TIGAR: variants seen among roughly 807,000 people sequenced by gnomAD.
TIGAR encodes TP53 induced glycolysis regulatory phosphatase.
In TIGAR, 7 loss-of-function variants were observed where a neutral mutation model predicts 17.9. The ratio of observed to expected loss-of-function variants is 0.39; its 90% CI spans 0.22 to 0.73. The LOEUF (loss-of-function observed/expected upper bound fraction) is 0.73. Ranked by LOEUF, TIGAR falls within the 30% of genes least tolerant of loss-of-function variation. The pLI, the probability that TIGAR is intolerant of heterozygous loss-of-function variation, is 0.42. For missense variants in TIGAR, 258 were observed against 327.4 expected (o/e 0.79, Z 1.64); for synonymous variants, 94 against 108.6 (o/e 0.87, Z 0.84).
intron 5 of TIGAR, among the ~76,000 whole-genome samples, chr12:4,351,797 A>G (rs994923017): frequency 6.6e-6 from 1 of 152,104 alleles, no homozygotes; most frequent in Non-Finnish European, 1.5e-5. Context: ...CGAATTGCAT[A>G]TTGGTGATTC....
intron 3 of TIGAR, among the ~76,000 whole-genome samples, chr12:4,348,284 A>C (rs746192372): frequency 2.6e-5 from 4 of 152,224 alleles, no homozygotes; most frequent in Non-Finnish European, 4.4e-5. Flanking sequence ...AATATTGACA[A>C]TTTTACAGAA....
rs1165871229 is a variant in TIGAR, at chr12:4,352,600, A to C, written c.722A>C (p.Asn241Thr). 1 of 1,612,608 alleles carries C rather than the reference A, an allele frequency of 6.2e-7. No individual in the cohort carries two copies. The highest frequency in any genetic ancestry group is 8.5e-7 in the Non-Finnish European group (1 of 1,180,030). ...ACAGGGATGAGTCTCTTTATCATAA[A>C]CTTTGAGGAAGGAAGAGAAGTTAAA... ...PNTGMSLFII[N>T]FEEGREVKPT... Residue 241 changes from asparagine (N) to threonine (T), a missense_variant, in exon 6 of 6, where the codon AAC becomes ACC. Physicochemically the swap from Asn to Thr is moderately conservative, Grantham distance 65. Transcript: ENST00000179259.
intron 1 of TIGAR, chr12:4,324,869 A>C (rs934985751): frequency 8.6e-6 from 4 of 463,158 alleles, no homozygotes; most frequent in South Asian, 7.8e-5. Flanking sequence ...AAAGCTTTAA[A>C]ATTTTTTGGC....
chr12:4,322,208 G>A (rs567100772), intron 1 of TIGAR, among the ~76,000 whole-genome samples: 20 of 152,272 alleles, frequency 1.3e-4, no homozygotes, highest in South Asian at 8.3e-4. Context: ...TGTTGGTCAG[G>A]CAGGTCTGGA....
chr12:4,342,823 A>G (rs933994610), intron 3 of TIGAR, among the ~76,000 whole-genome samples: 1 of 152,238 alleles, frequency 6.6e-6, no homozygotes, highest in Admixed American at 6.5e-5. Context: ...AAGAAACTGC[A>G]TCAACTAATG....
rs1864522307 is a variant in TIGAR, at chr12:4,324,729, GTCCC to G, written c.32+3427_32+3430del. On this transcript the variant is annotated intron_variant, in intron 1 of 5. Transcript: ENST00000179259. ...GCTGCGTCAGCTGCTCGCAGGACAC[GTCCC>G]GTCCCGCAGCTGGTCCAAGTCTGTG... 6 of 1,670 alleles carry G rather than the reference GTCCC, an allele frequency of 3.6e-3. No individual in the cohort carries two copies. The Non-Finnish European group carries it at 0.057, about 16-fold the overall frequency. 0.1% of individuals were successfully genotyped at this position (1,670 alleles called of 1,614,324 possible). A position where few individuals can be genotyped will look rare whatever the true frequency, so the allele number is the denominator to read the frequency against.
intron 5 of TIGAR, among the ~76,000 whole-genome samples, chr12:4,351,756 T>C (rs1591666349): frequency 6.6e-6 from 1 of 152,352 alleles, no homozygotes; most frequent in Non-Finnish European, 1.5e-5. Context: ...GTGGCATCCC[T>C]GTGCTTGCAT....
intron 3 of TIGAR, among the ~76,000 whole-genome samples, chr12:4,341,193 G>A (rs7485543): frequency 0.049 from 7,414 of 151,938 alleles, 533 homozygotes; most frequent in East Asian, 0.33. Context: ...AACTTTATAG[G>A]AAAAAATCTA....
intron 2 of TIGAR, among the ~76,000 whole-genome samples, chr12:4,333,623 C>T (rs1289210520): frequency 2.9e-4 from 44 of 152,184 alleles, no homozygotes; most frequent in Non-Finnish European, 1.2e-4. Flanking sequence ...TGCACACTAC[C>T]AGGCTCGGCT....
Position 4,321,321 on chromosome 12 carries a change from A to G in TIGAR, c.32+18A>G. 2 of 1,600,676 alleles carry G rather than the reference A, an allele frequency of 1.2e-6. No homozygotes were observed. Among genetic ancestry groups the G allele is most frequent in the Non-Finnish European group, 1.7e-6 (2 of 1,179,692 alleles). The stretch of plus-strand genomic sequence containing the variant: ...GTCCGGCAGTGAGTATGGCTGTGGC[A>G]GGATGTCTTTCTCTCTCTCTTCCTT... On this transcript the variant is annotated intron_variant, in intron 1 of 5. Transcript: ENST00000179259. This position sits in a 1 kb window ranked among gnomAD's most constrained non-coding sequence, Gnocchi z 5.2.
chr12:4,342,600 G>T (rs1404492152), intron 3 of TIGAR, among the ~76,000 whole-genome samples: 3 of 152,164 alleles, frequency 2.0e-5, no homozygotes, highest in Non-Finnish European at 4.4e-5. Context: ...TCAAAGAAAA[G>T]AATTTTCAAC....
chr12:4,345,738 C>G (rs1274034867), intron 3 of TIGAR, among the ~76,000 whole-genome samples: 1 of 152,196 alleles, frequency 6.6e-6, no homozygotes, highest in Non-Finnish European at 1.5e-5. Context: ...GCAATGGCAA[C>G]AAAAGCCAAA....
intron 1 of TIGAR, among the ~76,000 whole-genome samples, chr12:4,325,983 A>C (rs952802619): frequency 6.6e-6 from 1 of 152,168 alleles, no homozygotes; most frequent in Non-Finnish European, 1.5e-5. Context: ...AATTAAGGGA[A>C]ATTGAGGTTT....
In TIGAR at chr12:4,350,013, A is replaced by G. The variant is rs767667386; in HGVS notation, c.270+117A>G. The G allele has an allele frequency of 6.5e-5, 45 of 692,516 alleles. No individual in the cohort carries two copies. The Middle Eastern group carries it at 7.4e-4, about 11-fold the overall frequency. The allele number at this position is 692,516 out of a possible 1,614,324, so 42.9% of individuals were successfully genotyped here. ...CTAGGGATTTCGAATCAGTGAAAAT[A>G]TTTAAGAATCTACCATATGACAGTC... On this transcript the variant is annotated intron_variant, in intron 4 of 5. Coordinates refer to ENST00000179259, the MANE Select transcript of TIGAR (RefSeq NM_020375.3).
At chr12:4,323,021 G>A (rs950787079) in intron 1 of TIGAR, among the ~76,000 whole-genome samples, 9 of 151,246 alleles carry the variant, frequency 6.0e-5, no homozygotes, top group African/African-American at 1.9e-4. Flanking sequence ...ATCCTAGCAC[G>A]TTGGGGGGCG....
chr12:4,324,705 C>T, intron 1 of TIGAR: 2 of 858,184 alleles, frequency 2.3e-6, no homozygotes, highest in Non-Finnish European at 1.9e-6. Flanking sequence ...CACTGTACAG[C>T]TGCGTCAGCT....
chr12:4,351,900 T>C (rs1482338648), intron 5 of TIGAR, among the ~76,000 whole-genome samples: 3 of 152,374 alleles, frequency 2.0e-5, no homozygotes, highest in East Asian at 1.9e-4. Flanking sequence ...GTTGCTGCTG[T>C]TGTTCCAGTG....
rs1417278887 is a variant in TIGAR, at chr12:4,358,997, G to A, written c.*6306G>A. 6.6e-6 allele frequency among the ~76,000 whole-genome samples: 1 copy of A among 152,036 alleles called. No homozygotes were observed. Among genetic ancestry groups the A allele is most frequent in the East Asian group, 1.9e-4 (1 of 5,190 alleles). On this transcript the variant is annotated 3_prime_UTR_variant, in exon 6 of 6. Transcript: ENST00000179259. Reference sequence around the variant, plus strand: ...ACTTTTGTCAGAAGCAGCCCAGAAAGGATGTGTCCTTGGTCATGTCAGGAG... The same window carrying A: ...ACTTTTGTCAGAAGCAGCCCAGAAAAGATGTGTCCTTGGTCATGTCAGGAG...
chr12:4,338,906 G>A (rs1864688225), intron 3 of TIGAR, among the ~76,000 whole-genome samples: 1 of 145,648 alleles, frequency 6.9e-6, no homozygotes. Context: ...AACCTGGGAG[G>A]CAGAGGTTGC....
Sources: gnomAD v4.1 joint callset for allele counts (sites outside exome capture counted in the v4.1 genomes callset) on GRCh38, gnomAD v4.1.1 for gene constraint, Gnocchi (gnomAD v3.1) non-coding constraint, MANE v1.5 for transcripts, NCBI Gene and HGNC (gene_info 2026-07-23, HGNC 2026-07-21) for gene names.